KCNMA1: variants seen among roughly 807,000 people sequenced by gnomAD.
The protein encoded by KCNMA1 is potassium calcium-activated channel subfamily M alpha 1.
In KCNMA1, 29 loss-of-function variants were observed where a neutral mutation model predicts 140.0. The ratio of observed to expected loss-of-function variants is 0.21; its 90% CI spans 0.15 to 0.28. The LOEUF (loss-of-function observed/expected upper bound fraction) is 0.28, where lower values mean the gene tolerates loss of function less well. Among genes scored for constraint, KCNMA1 ranks in the 10% least tolerant of loss-of-function variants. The pLI is 1.00. For missense variants in KCNMA1, 880 were observed against 1,602.2 expected (o/e 0.55, Z 7.70); for synonymous variants, 612 against 611.9 (o/e 1.00, Z 0.00).
At chr10:76,897,487 T>C (rs903289096) in intron 25 of KCNMA1, among the ~76,000 whole-genome samples, 2 of 152,076 alleles carry the variant, frequency 1.3e-5, no homozygotes, top group African/African-American at 4.8e-5. Flanking sequence ...ACACATTTGT[T>C]CCAAAAATTC....
intron 5 of KCNMA1, among the ~76,000 whole-genome samples, chr10:77,144,507 A>C (rs193143134): frequency 6.6e-6 from 1 of 152,178 alleles, no homozygotes; most frequent in Admixed American, 6.5e-5. Flanking sequence ...TGGATGACAG[A>C]CCATTTTACA....
At chr10:77,286,752 T>C (rs1453438584) in intron 2 of KCNMA1, among the ~76,000 whole-genome samples, 2 of 12,556 alleles carry the variant, frequency 1.6e-4, no homozygotes, top group African/African-American at 2.5e-4. Flanking sequence ...CTAGGGACGG[T>C]GTGTGTGTGT....
chr10:76,908,932 A>T (rs1435793394), intron 25 of KCNMA1, among the ~76,000 whole-genome samples: 1 of 152,252 alleles, frequency 6.6e-6, no homozygotes, highest in Admixed American at 6.5e-5. Context: ...AGATGGCTCC[A>T]TAATGTTGGG....
chr10:76,901,034 T>C (rs16933998), intron 25 of KCNMA1, among the ~76,000 whole-genome samples: 7,216 of 152,234 alleles, frequency 0.047, 234 homozygotes, highest in Middle Eastern at 0.14. Context: ...GCCAAAAATT[T>C]AGTGATAAAT....
chr10:77,079,616 AT>A, intron 12 of KCNMA1, 66 bp from the exon 13 acceptor site: 4 of 1,113,128 alleles, frequency 3.6e-6, no homozygotes, highest in Non-Finnish European at 5.5e-6. Flanking sequence ...AAAAAGATCA[AT>A]TTTACTGTCT....
intron 15 of KCNMA1, chr10:77,039,216 T>C (rs2094511962): frequency 1.6e-5 from 7 of 442,336 alleles, no homozygotes; most frequent in Non-Finnish European, 2.5e-5. Context: ...CAGGGGTTTA[T>C]GCCACTCTTC....
intron 1 of KCNMA1, among the ~76,000 whole-genome samples, chr10:77,406,469 G>C (rs766055725): frequency 1.3e-5 from 2 of 152,182 alleles, no homozygotes; most frequent in Non-Finnish European, 2.9e-5. Context: ...TTATCACAAT[G>C]AGCGGGCATC....
At chr10:76,991,533 T>C (rs1005248576) in intron 19 of KCNMA1, among the ~76,000 whole-genome samples, 2 of 152,224 alleles carry the variant, frequency 1.3e-5, no homozygotes, top group Admixed American at 6.5e-5. Context: ...ATATAGTAAG[T>C]TGCTGCTTAG....
At chr10:77,524,311 C>T (rs374074027) in intron 1 of KCNMA1, among the ~76,000 whole-genome samples, 9 of 152,192 alleles carry the variant, frequency 5.9e-5, no homozygotes, top group Non-Finnish European at 8.8e-5. Flanking sequence ...CGAAGGAGAA[C>T]GTGGAATGCC....
chr10:76,887,609 G>A (rs1246811167), intron 27 of KCNMA1, 94 bp from the exon 28 acceptor site: 2 of 1,422,030 alleles, frequency 1.4e-6, no homozygotes, highest in Non-Finnish European at 2.0e-6. Context: ...GGTTACTCAG[G>A]ACTTTCAGAG....
chr10:77,494,804 G>T (rs189691456), intron 1 of KCNMA1, among the ~76,000 whole-genome samples: 3 of 152,336 alleles, frequency 2.0e-5, no homozygotes, highest in East Asian at 3.9e-4. Flanking sequence ...TGGAGATGTC[G>T]TTGGGGTCAG....
At chr10:77,122,062 G>A (rs1388370661) in intron 5 of KCNMA1, among the ~76,000 whole-genome samples, 4 of 152,204 alleles carry the variant, frequency 2.6e-5, no homozygotes, top group Non-Finnish European at 2.9e-5. Context: ...ACAACTCCAC[G>A]CCCGTGGGTG....
intron 13 of KCNMA1, among the ~76,000 whole-genome samples, chr10:77,073,598 G>A (rs1361277898): frequency 1.3e-5 from 2 of 152,158 alleles, no homozygotes. Context: ...ATAGACCGTA[G>A]GAGTGCCAAA....
intron 1 of KCNMA1, among the ~76,000 whole-genome samples, chr10:77,614,158 G>C (rs1160191237): frequency 6.6e-6 from 1 of 152,166 alleles, no homozygotes; most frequent in African/African-American, 2.4e-5. Context: ...CCCTGAGAGA[G>C]CCAGAAAACA....
chr10:77,050,274 TAAAAAAA>T (rs1325905530), intron 14 of KCNMA1, among the ~76,000 whole-genome samples: 1 of 125,432 alleles, frequency 8.0e-6, no homozygotes, highest in Non-Finnish European at 1.7e-5. Context: ...TGATCTTTTC[TAAAAAAA>T]AAAAATAAAA....
intron 2 of KCNMA1, among the ~76,000 whole-genome samples, chr10:77,397,523 A>G (rs2096100432): frequency 6.6e-6 from 1 of 152,188 alleles, no homozygotes. Context: ...TGTACAATAA[A>G]TTACTGTTAA....
chr10:77,630,148 A>G (rs1398758199), intron 1 of KCNMA1, among the ~76,000 whole-genome samples: 4 of 152,210 alleles, frequency 2.6e-5, no homozygotes, highest in African/African-American at 9.6e-5. Context: ...AGGCCCACCC[A>G]GGCCCCTACA....
intron 2 of KCNMA1, among the ~76,000 whole-genome samples, chr10:77,342,550 C>A (rs1366869109): frequency 6.6e-6 from 1 of 152,220 alleles, no homozygotes; most frequent in South Asian, 2.1e-4. Flanking sequence ...GGAGTAAACA[C>A]TCCCATGAAG....
chr10:77,361,663 A>C (rs2093958007), intron 2 of KCNMA1, among the ~76,000 whole-genome samples: 1 of 152,228 alleles, frequency 6.6e-6, no homozygotes, highest in South Asian at 2.1e-4. Context: ...GTGCAGGAGC[A>C]AGAGGGGATC....
Sources: gnomAD v4.1 joint callset for allele counts (sites outside exome capture counted in the v4.1 genomes callset) on GRCh38, gnomAD v4.1.1 for gene constraint, MANE v1.5 for transcripts, NCBI Gene and HGNC (gene_info 2026-07-23, HGNC 2026-07-21) for gene names.